Variants in GFPT2 observed in about 807,000 individuals in gnomAD.
The protein encoded by GFPT2 is glutamine--fructose-6-phosphate transaminase 2.
Under a neutral mutation model 85.6 loss-of-function variants are expected in GFPT2, and 62 were observed. That is an observed-to-expected ratio of 0.72 (90% CI 0.59 to 0.90). GFPT2 has a LOEUF of 0.90. Among genes scored for constraint, GFPT2 ranks in the 40% least tolerant of loss-of-function variants. The pLI, the probability that GFPT2 is intolerant of heterozygous loss-of-function variation, is 0.00. For synonymous variants in GFPT2, 368 were observed against 344.5 expected, an observed-to-expected ratio of 1.07 and a Z score of -0.75; for missense variants, 788 against 893.4, an observed-to-expected ratio of 0.88 and a Z score of 1.50.
intron 1 of GFPT2, 29 bp downstream of exon 1, chr5:180,353,182 G>A (rs759886978): frequency 8.9e-6 from 11 of 1,233,392 alleles, no homozygotes; most frequent in South Asian, 4.1e-5. Flanking sequence ...CGGCGTGGAG[G>A]AGGCGGCTCG....
chr5:180,348,195 T>A (rs1318925858), intron 1 of GFPT2, among the ~76,000 whole-genome samples: 1 of 152,242 alleles, frequency 6.6e-6, no homozygotes, highest in African/African-American at 2.4e-5. Context: ...CCAAACTGGA[T>A]TACTTCCTGC....
chr5:180,336,473 A>T lies in GFPT2; in HGVS notation c.214+6T>A. 1 of 1,526,862 alleles carries T rather than the reference A, an allele frequency of 6.5e-7. No homozygotes were observed. The highest frequency in any genetic ancestry group is 9.1e-7 in the Non-Finnish European group (1 of 1,100,364). 94.6% of individuals were successfully genotyped at this position (1,526,862 alleles called of 1,614,324 possible). ...GGCTCCTCCCACTCAGAGGTCCTCC[A>T]CTTACTGTAAAGTTCTTCATCGAGA... On this transcript the variant is annotated splice_donor_region_variant and intron_variant, in intron 3 of 18. Coordinates refer to ENST00000253778, the MANE Select transcript of GFPT2 (RefSeq NM_005110.4).
intron 1 of GFPT2, among the ~76,000 whole-genome samples, chr5:180,347,331 C>G (rs148465955): frequency 6.6e-6 from 1 of 152,228 alleles, no homozygotes; most frequent in East Asian, 1.9e-4. Context: ...GAGAAAGGCC[C>G]GGCCTGGGGG....
intron 1 of GFPT2, among the ~76,000 whole-genome samples, chr5:180,348,534 G>A (rs895889139): frequency 6.6e-6 from 1 of 152,224 alleles, no homozygotes; most frequent in Non-Finnish European, 1.5e-5. Flanking sequence ...AAAGACAGAG[G>A]AGCCTGCGGG....
chr5:180,319,319 G>A (rs1487391241), intron 9 of GFPT2, among the ~76,000 whole-genome samples: 8 of 151,994 alleles, frequency 5.3e-5, no homozygotes, highest in African/African-American at 1.5e-4. Context: ...ATAATCTCAC[G>A]GCTGTCTTTT....
intron 1 of GFPT2, among the ~76,000 whole-genome samples, chr5:180,347,893 C>T (rs1252166090): frequency 6.6e-6 from 1 of 152,132 alleles, no homozygotes; most frequent in African/African-American, 2.4e-5. Context: ...AGGTTGGGCC[C>T]ACGTTCTGAT....
intron 1 of GFPT2, among the ~76,000 whole-genome samples, chr5:180,340,565 G>A (rs534161933): frequency 2.1e-5 from 3 of 140,274 alleles, no homozygotes; most frequent in East Asian, 4.4e-4. Flanking sequence ...AGGCTGGAGT[G>A]CAGTGGTGCC....
chr5:180,327,808 GGC>G lies in GFPT2; in HGVS notation c.596+467_596+468del, dbSNP rs549548314. 4.9e-3 allele frequency among the ~76,000 whole-genome samples: 744 copies of G among 152,302 alleles called. 8 individuals are homozygous for G. The highest frequency in any genetic ancestry group is 0.017 in the African/African-American group (723 of 41,574). ...AAGCAGGCTCTCTGAGCCGATTCCT[GGC>G]ATGCTCCTTTGTGAAGGTGAAGCTT... is the stretch of plus-strand genomic sequence containing the variant. On this transcript the variant is annotated intron_variant, in intron 7 of 18. Coordinates refer to ENST00000253778, the MANE Select transcript of GFPT2 (RefSeq NM_005110.4).
Position 180,323,845 on chromosome 5 carries a change from T to C in GFPT2, c.794+343A>G, listed in dbSNP as rs554165002. ...GAGAGGGCTGCACAGCATGCCCCGATCTGCTAGTTCTTCCAGAGAAGCTAG... is the reference window on the plus strand; with the variant it reads ...GAGAGGGCTGCACAGCATGCCCCGACCTGCTAGTTCTTCCAGAGAAGCTAG... On this transcript the variant is annotated intron_variant, in intron 9 of 18. Coordinates refer to ENST00000253778, the MANE Select transcript of GFPT2 (RefSeq NM_005110.4). The surrounding 1 kb of genome is among the most constrained non-coding windows in gnomAD (Gnocchi z 4.0). Among the ~76,000 whole-genome samples the C allele has an allele frequency of 1.3e-4, 20 of 152,338 alleles. No homozygotes were observed. The highest frequency in any genetic ancestry group is 2.6e-4 in the Admixed American group (4 of 15,306).
intron 7 of GFPT2, among the ~76,000 whole-genome samples, chr5:180,327,438 T>C (rs914961071): frequency 1.3e-5 from 2 of 152,214 alleles, no homozygotes; most frequent in African/African-American, 4.8e-5. Context: ...CTGGGCCCCT[T>C]GCCTTTGCTC....
chr5:180,347,912 C>T (rs758854175), intron 1 of GFPT2, among the ~76,000 whole-genome samples: 4 of 152,124 alleles, frequency 2.6e-5, no homozygotes, highest in Non-Finnish European at 4.4e-5. Flanking sequence ...ATTCTGGTGA[C>T]GCTTGTTTTG....
chr5:180,314,670 G>A (rs910310594), intron 13 of GFPT2, among the ~76,000 whole-genome samples: 2 of 152,162 alleles, frequency 1.3e-5, no homozygotes, highest in Admixed American at 6.5e-5. Flanking sequence ...GGCAGGTGCC[G>A]CCCGGTGCTA....
At position 180,307,250 on chromosome 5, in the gene GFPT2, C is replaced by T. The variant is rs1763800354; in HGVS notation, c.1600G>A (p.Glu534Lys). ...AGCAGCGATCTCTGCGTGTAGAGCT[C>T]CAGGGCCAAGTCGTGGATCTTCTCC... ...LEEKIHDLAL[E>K]LYTQRSLLVM... The change falls in exon 16 of 19, where the codon GAG (glutamate) becomes AAG (lysine). Residue 534 changes from glutamate (E) to lysine (K), a missense_variant. Glu to Lys is a moderately conservative substitution (Grantham distance 56, BLOSUM62 1). Coordinates refer to ENST00000253778, the MANE Select transcript of GFPT2 (RefSeq NM_005110.4). 1.2e-6 allele frequency: 2 copies of T among 1,613,290 alleles called. No homozygotes were observed. The highest frequency in any genetic ancestry group is 1.7e-6 in the Non-Finnish European group (2 of 1,179,602).
intron 1 of GFPT2, among the ~76,000 whole-genome samples, chr5:180,351,923 G>T (rs1006630579): frequency 2.6e-5 from 4 of 152,292 alleles, no homozygotes; most frequent in African/African-American, 9.6e-5. Flanking sequence ...TTTGGCCAAG[G>T]GTCTTGAATG....
At chr5:180,311,994 G>GCAGGGAGGCGGGGAGT (rs1328784603) in intron 15 of GFPT2, among the ~76,000 whole-genome samples, 1 of 71,826 alleles carries the variant, frequency 1.4e-5, no homozygotes, top group Non-Finnish European at 3.2e-5. Context: ...AGGCAGGGAG[G>GCAGGGAGGCGGGGAGT]TGGGGAGGCT....
intron 1 of GFPT2, among the ~76,000 whole-genome samples, chr5:180,348,743 T>C (rs577809168): frequency 6.6e-6 from 1 of 151,876 alleles, no homozygotes; most frequent in Non-Finnish European, 1.5e-5. Flanking sequence ...TTTTTTTTTT[T>C]TTTTGTTTTC....
Position 180,314,529 on chromosome 5 carries a change from A to ACT in GFPT2, c.1274-566_1274-565insAG, listed in dbSNP as rs1763964423. Among the ~76,000 whole-genome samples the ACT allele has an allele frequency of 5.3e-5, 8 of 152,354 alleles. 1 individual carries two copies. In the South Asian group the frequency reaches 1.7e-3, roughly 32 times the overall value. ...CAAGCTCCCTATGTTTGTGAGTCCT[A>ACT]AAGCACTCAAATTAAATTCAGCATA... On this transcript the variant is annotated intron_variant, in intron 13 of 18. Transcript: ENST00000253778.
chr5:180,347,303 G>A (rs955653590), intron 1 of GFPT2, among the ~76,000 whole-genome samples: 2 of 152,242 alleles, frequency 1.3e-5, no homozygotes, highest in African/African-American at 4.8e-5. Flanking sequence ...CTACCAGCAG[G>A]AGAGCCCAGG....
Position 180,318,670 on chromosome 5 carries a change from G to A in GFPT2, c.958+123C>T, listed in dbSNP as rs1764059148. 30 of 813,658 alleles carry A rather than the reference G, an allele frequency of 3.7e-5. 1 individual carries two copies. The highest frequency in any genetic ancestry group is 3.7e-4 in the South Asian group (22 of 60,256). The allele number at this position is 813,658 out of a possible 1,614,324, so 50.4% of individuals were successfully genotyped here. The stretch of plus-strand genomic sequence containing the variant: ...CAAGCCACAGGCTACCTGCAGCCCC[G>A]CCCTGGTGGCCACAGAGGGCAGGAG... On this transcript the variant is annotated intron_variant, in intron 10 of 18. Coordinates refer to ENST00000253778, the MANE Select transcript of GFPT2 (RefSeq NM_005110.4). This position sits in a 1 kb window ranked among gnomAD's most constrained non-coding sequence, Gnocchi z 4.2.
Sources: gnomAD v4.1 joint callset for allele counts (sites outside exome capture counted in the v4.1 genomes callset) on GRCh38, gnomAD v4.1.1 for gene constraint, Gnocchi (gnomAD v3.1) non-coding constraint, MANE v1.5 for transcripts, NCBI Gene and HGNC (gene_info 2026-07-23, HGNC 2026-07-21) for gene names.